ROBO2: variants seen among roughly 807,000 people sequenced by gnomAD.
ROBO2 encodes the protein roundabout guidance receptor 2.
Under a neutral mutation model 160.8 loss-of-function variants are expected in ROBO2, and 53 were observed. The ratio of observed to expected loss-of-function variants is 0.33; its 90% confidence interval spans 0.26 to 0.41. ROBO2 has a LOEUF of 0.41. Among genes scored for constraint, ROBO2 ranks in the 10% least tolerant of loss-of-function variants. The pLI is 1.00. For synonymous variants in ROBO2, 664 were observed against 611.7 expected (o/e 1.09, Z -1.26); for missense variants, 1,577 against 1,722.4 (o/e 0.92, Z 1.49).
chr3:76,864,853 T>C (rs1029526295), intron 2 of ROBO2, among the ~76,000 whole-genome samples: 1 of 152,108 alleles, frequency 6.6e-6, no homozygotes, highest in Non-Finnish European at 1.5e-5. Flanking sequence ...GTTAGCTAAA[T>C]AGATTTGTAC....
At chr3:77,369,905 A>G (rs1282139321) in intron 2 of ROBO2, among the ~76,000 whole-genome samples, 2 of 152,200 alleles carry the variant, frequency 1.3e-5, no homozygotes, top group Non-Finnish European at 2.9e-5. Context: ...TGATATTTGA[A>G]AAGTCATCCA....
intron 2 of ROBO2, among the ~76,000 whole-genome samples, chr3:77,454,995 G>A (rs13096330): frequency 0.14 from 21,938 of 152,072 alleles, 1,848 homozygotes; most frequent in East Asian, 0.35. Flanking sequence ...AGGAGATGGC[G>A]AGAAAAAATG....
At chr3:77,502,017 G>A (rs11127599) in intron 5 of ROBO2, among the ~76,000 whole-genome samples, 18,671 of 151,968 alleles carry the variant, frequency 0.12, 1,187 homozygotes, top group East Asian at 0.17. Context: ...AATAATCTAA[G>A]CATTTTACAA....
At position 76,319,903 on chromosome 3, in the gene ROBO2, G is replaced by T. The variant is rs531581164; in HGVS notation, c.109+382301G>T. Among the ~76,000 whole-genome samples the T allele has an allele frequency of 1.8e-3, 281 of 152,024 alleles. 1 individual carries two copies. The highest frequency in any genetic ancestry group is 6.5e-3 in the African/African-American group (268 of 41,494). Reference sequence around the variant, plus strand: ...ATCTATGTAGGAATTTTGGTGTGTGGCATGGTGATATGGTCTAGGAAATAC... The same window carrying T: ...ATCTATGTAGGAATTTTGGTGTGTGTCATGGTGATATGGTCTAGGAAATAC... On this transcript the variant is annotated intron_variant, in intron 2 of 26. Transcript: ENST00000487694.
chr3:76,851,769 T>TATATATATA (rs2069415330), intron 2 of ROBO2, among the ~76,000 whole-genome samples: 99 of 135,974 alleles, frequency 7.3e-4, no homozygotes, highest in African/African-American at 2.7e-3. Flanking sequence ...AAAAAAATAT[T>TATATATATA]AACATGTGCT....
chr3:77,503,278 C>A (rs1284081722), intron 5 of ROBO2, among the ~76,000 whole-genome samples: 1 of 151,462 alleles, frequency 6.6e-6, no homozygotes, highest in Non-Finnish European at 1.5e-5. Context: ...GTAATCCCAG[C>A]ACTTTGGGAA....
At chr3:76,171,737 A>C (rs897450169) in intron 2 of ROBO2, among the ~76,000 whole-genome samples, 5 of 152,110 alleles carry the variant, frequency 3.3e-5, no homozygotes, top group African/African-American at 1.2e-4. Context: ...CTGTTGTGCA[A>C]AAAGAATGAG....
At chr3:77,372,392 C>T (rs531838318) in intron 2 of ROBO2, among the ~76,000 whole-genome samples, 1 of 151,118 alleles carries the variant, frequency 6.6e-6, no homozygotes, top group African/African-American at 2.4e-5. Context: ...TAAGATTGCT[C>T]TCCAAATATT....
At chr3:76,397,144 G>T (rs916178173) in intron 2 of ROBO2, among the ~76,000 whole-genome samples, 6 of 152,096 alleles carry the variant, frequency 3.9e-5, no homozygotes, top group African/African-American at 1.4e-4. Flanking sequence ...CAATGGAACA[G>T]AACAGAGCCC....
intron 2 of ROBO2, among the ~76,000 whole-genome samples, chr3:76,803,156 TCTTA>T (rs1405128503): frequency 6.6e-6 from 1 of 152,204 alleles, no homozygotes; most frequent in African/African-American, 2.4e-5. Context: ...ATAATTTGTC[TCTTA>T]CTTCATAAGA....
chr3:76,569,590 A>C (rs1320196195), intron 2 of ROBO2, among the ~76,000 whole-genome samples: 2 of 152,136 alleles, frequency 1.3e-5, no homozygotes, highest in Non-Finnish European at 2.9e-5. Context: ...AATACTTGTG[A>C]TTCAGTAATA....
intron 2 of ROBO2, among the ~76,000 whole-genome samples, chr3:76,775,300 A>G (rs2062175982): frequency 6.6e-6 from 1 of 150,732 alleles, no homozygotes; most frequent in African/African-American, 2.4e-5. Context: ...AAGTCTGAGA[A>G]AGAAATATTA....
chr3:77,184,356 T>A (rs1323453589), intron 2 of ROBO2, among the ~76,000 whole-genome samples: 1 of 152,012 alleles, frequency 6.6e-6, no homozygotes, highest in African/African-American at 2.4e-5. Flanking sequence ...GATAGAAAGA[T>A]GAATTAGAAG....
At chr3:76,819,721 T>G (rs973063050) in intron 2 of ROBO2, among the ~76,000 whole-genome samples, 1 of 152,078 alleles carries the variant, frequency 6.6e-6, no homozygotes, top group Non-Finnish European at 1.5e-5. Context: ...ATTAATTAAG[T>G]GACCATTGGC....
Position 77,296,499 on chromosome 3 carries a change from T to A in ROBO2, c.389-180915T>A, listed in dbSNP as rs112579498. ...TTGCCTCAGATGTTGGTTTTTTGTT[T>A]GTCTTGTTTTCTTTTGTTTTGCTTC... On this transcript the variant is annotated intron_variant, in intron 2 of 25. Transcript: ENST00000461745. Among the ~76,000 whole-genome samples, 1,033 of 152,276 alleles carry A rather than the reference T, an allele frequency of 6.8e-3. 10 individuals carry two copies. Among genetic ancestry groups the A allele is most frequent in the African/African-American group, 0.022 (919 of 41,560 alleles).
At chr3:76,081,210 A>G (rs1309477711) in intron 2 of ROBO2, among the ~76,000 whole-genome samples, 1 of 152,040 alleles carries the variant, frequency 6.6e-6, no homozygotes, top group East Asian at 1.9e-4. Flanking sequence ...ATTTTTAAGC[A>G]GGCATTACTT....
intron 2 of ROBO2, among the ~76,000 whole-genome samples, chr3:76,588,413 T>C (rs929094164): frequency 2.0e-5 from 3 of 152,236 alleles, no homozygotes; most frequent in African/African-American, 7.2e-5. Context: ...ATTAGTATAC[T>C]TGTTAAAGAC....
chr3:76,699,393 C>G (rs2092999717), intron 2 of ROBO2, among the ~76,000 whole-genome samples: 1 of 151,564 alleles, frequency 6.6e-6, no homozygotes. Context: ...TATCAGACTT[C>G]TCCAGGCAGG....
At chr3:76,441,433 A>G (rs946783594) in intron 2 of ROBO2, among the ~76,000 whole-genome samples, 22 of 152,188 alleles carry the variant, frequency 1.4e-4, no homozygotes, top group African/African-American at 5.3e-4. Flanking sequence ...AGTATCAGAT[A>G]TTTGGAAGAA....
Sources: gnomAD v4.1 joint callset for allele counts (sites outside exome capture counted in the v4.1 genomes callset) on GRCh38, gnomAD v4.1.1 for gene constraint, MANE v1.5 for transcripts, NCBI Gene and HGNC (gene_info 2026-07-23, HGNC 2026-07-21) for gene names.